NTM: variants seen among roughly 807,000 people sequenced by gnomAD.
NTM encodes the protein IgLON family member 2.
In NTM, 13 loss-of-function variants were observed where a neutral mutation model predicts 42.1. That is an observed-to-expected ratio of 0.31 (90% confidence interval 0.20 to 0.49). The LOEUF is 0.49. NTM is among the 20% of genes least tolerant of loss of function. The probability of loss-of-function intolerance (pLI) is 0.99; values close to 1 mark genes in which losing one functional copy is unlikely to be tolerated. For missense variants in NTM, 373 were observed against 452.8 expected (o/e 0.82, Z 1.60); for synonymous variants, 187 against 179.2 (o/e 1.04, Z -0.35).
At chr11:132,093,467 T>C (rs2060603403) in intron 2 of NTM, among the ~76,000 whole-genome samples, 1 of 152,214 alleles carries the variant, frequency 6.6e-6, no homozygotes, top group South Asian at 2.1e-4. Context: ...AGCAGTCTTC[T>C]CTTCCTCCCT....
At chr11:131,844,818 C>T (rs1279464863) in intron 1 of NTM, among the ~76,000 whole-genome samples, 1 of 152,024 alleles carries the variant, frequency 6.6e-6, no homozygotes, top group Admixed American at 6.6e-5. Context: ...ATCTTATATT[C>T]AGCAACTTTT....
chr11:131,400,510 C>G (rs1199853097), intron 1 of NTM, among the ~76,000 whole-genome samples: 3 of 152,130 alleles, frequency 2.0e-5, no homozygotes, highest in Non-Finnish European at 4.4e-5. Context: ...ACTGTGTGAC[C>G]TTCAACAATT....
At chr11:132,074,173 G>A (rs2058065219) in intron 2 of NTM, among the ~76,000 whole-genome samples, 2 of 152,186 alleles carry the variant, frequency 1.3e-5, no homozygotes, top group African/African-American at 4.8e-5. Flanking sequence ...GAATGAACTT[G>A]GTAGGCTATT....
intron 1 of NTM, among the ~76,000 whole-genome samples, chr11:131,688,210 G>T (rs768487493): frequency 1.3e-5 from 2 of 152,128 alleles, no homozygotes; most frequent in South Asian, 4.1e-4. Context: ...TGCCTCCACC[G>T]AGCTGGAGAA....
intron 3 of NTM, among the ~76,000 whole-genome samples, chr11:132,189,273 T>C (rs2078924985): frequency 6.6e-6 from 1 of 152,126 alleles, no homozygotes; most frequent in African/African-American, 2.4e-5. Context: ...ATAGCCCAAA[T>C]GTAATTTAAA....
chr11:131,881,724 C>T lies in NTM; in HGVS notation c.83-29840C>T, dbSNP rs578139559. On this transcript the variant is annotated intron_variant, in intron 1 of 8. Transcript: ENST00000683400. ...GCTATAGGGTTGTCATATTTTCAGC[C>T]TACAATTTGTTTCTCTCCAATTATT... 8.5e-5 allele frequency among the ~76,000 whole-genome samples: 13 copies of T among 152,304 alleles called. No homozygotes were observed. The South Asian group carries it at 2.7e-3, about 32-fold the overall frequency.
chr11:131,850,217 G>C (rs960659831), intron 1 of NTM, among the ~76,000 whole-genome samples: 1 of 152,148 alleles, frequency 6.6e-6, no homozygotes, highest in Non-Finnish European at 1.5e-5. Flanking sequence ...TTAGCAAACT[G>C]ATGTAAAGAA....
chr11:131,551,037 TTTTA>T (rs1432611610), intron 1 of NTM, among the ~76,000 whole-genome samples: 2 of 152,308 alleles, frequency 1.3e-5, no homozygotes, highest in Admixed American at 1.3e-4. Context: ...TTTTATGTTA[TTTTA>T]TTTGTTTTTT....
At chr11:132,121,672 G>T (rs1012253445) in intron 2 of NTM, among the ~76,000 whole-genome samples, 1 of 152,014 alleles carries the variant, frequency 6.6e-6, no homozygotes, top group South Asian at 2.1e-4. Context: ...AGTCATTTGT[G>T]TCCTCACACA....
chr11:132,270,677 G>T (rs745440051), intron 4 of NTM, among the ~76,000 whole-genome samples: 9 of 150,388 alleles, frequency 6.0e-5, no homozygotes, highest in South Asian at 2.1e-4. Context: ...TTTTTTGGGG[G>T]GTAATAGCAA....
At chr11:131,922,215 T>A (rs1007834459) in intron 2 of NTM, 2 of 152,670 alleles carry the variant, frequency 1.3e-5, no homozygotes, top group African/African-American at 4.8e-5. Flanking sequence ...TTATGGCTGC[T>A]GGACATTTCT....
At chr11:131,712,264 A>G (rs754139100) in intron 1 of NTM, among the ~76,000 whole-genome samples, 10 of 151,852 alleles carry the variant, frequency 6.6e-5, no homozygotes, top group Non-Finnish European at 1.0e-4. Flanking sequence ...GTTGCACATA[A>G]CCTTTGTTGT....
chr11:132,305,896 T>G (rs1329336588), intron 4 of NTM, among the ~76,000 whole-genome samples: 1 of 152,244 alleles, frequency 6.6e-6, no homozygotes, highest in Non-Finnish European at 1.5e-5. Flanking sequence ...GTTTTCTACT[T>G]ATGAAGAGGT....
intron 2 of NTM, among the ~76,000 whole-genome samples, chr11:131,955,340 A>G (rs950357728): frequency 6.6e-6 from 1 of 152,146 alleles, no homozygotes; most frequent in African/African-American, 2.4e-5. Context: ...TTGAAGGGCT[A>G]CTTGATCTTT....
At chr11:131,960,870 C>A (rs1331857046) in intron 2 of NTM, among the ~76,000 whole-genome samples, 4 of 152,182 alleles carry the variant, frequency 2.6e-5, no homozygotes, top group African/African-American at 9.7e-5. Context: ...AACTTTCATC[C>A]TGAAGATTCA....
chr11:131,447,003 C>T (rs1950111525), intron 1 of NTM, among the ~76,000 whole-genome samples: 1 of 150,776 alleles, frequency 6.6e-6, no homozygotes, highest in African/African-American at 2.4e-5. Context: ...ATGGAATATG[C>T]ATATGACTGT....
intron 1 of NTM, among the ~76,000 whole-genome samples, chr11:131,400,600 T>C (rs917293518): frequency 2.2e-4 from 33 of 152,182 alleles, no homozygotes; most frequent in African/African-American, 8.0e-4. Context: ...GATGTAAATG[T>C]GTTGATGGGC....
chr11:132,311,997 T>C (rs186352630), intron 6 of NTM, among the ~76,000 whole-genome samples: 1 of 152,170 alleles, frequency 6.6e-6, no homozygotes, highest in East Asian at 1.9e-4. Context: ...GTTCTTCTGA[T>C]GGCCTCTCCT....
chr11:131,384,054 G>T (rs917429324), intron 1 of NTM, among the ~76,000 whole-genome samples: 2 of 152,158 alleles, frequency 1.3e-5, no homozygotes, highest in African/African-American at 4.8e-5. Flanking sequence ...TAAGTGAATG[G>T]CTTAGAGGTG....
Sources: gnomAD v4.1 joint callset for allele counts (sites outside exome capture counted in the v4.1 genomes callset) on GRCh38, gnomAD v4.1.1 for gene constraint, MANE v1.5 for transcripts, NCBI Gene and HGNC (gene_info 2026-07-23, HGNC 2026-07-21) for gene names.